FAM204A: variants seen among roughly 807,000 people sequenced by gnomAD.
The protein encoded by FAM204A is family with sequence similarity 204 member A.
Under a neutral mutation model 35.4 loss-of-function variants are expected in FAM204A, and 16 were observed. That is an observed-to-expected ratio of 0.45 (90% CI 0.31 to 0.69). The LOEUF (loss-of-function observed/expected upper bound fraction) is 0.69, where lower values mean the gene tolerates loss of function less well. Among genes scored for constraint, FAM204A ranks in the 30% least tolerant of loss-of-function variants. The pLI is 0.07. For synonymous variants in FAM204A, 76 were observed against 86.9 expected, an observed-to-expected ratio of 0.88 and a Z score of 0.70; for missense variants, 240 against 265.7, an observed-to-expected ratio of 0.90 and a Z score of 0.67.
chr10:118,328,842 A>G (rs938375411), intron 6 of FAM204A, among the ~76,000 whole-genome samples: 1 of 152,158 alleles, frequency 6.6e-6, no homozygotes, highest in Non-Finnish European at 1.5e-5. Flanking sequence ...TCCCTTAATC[A>G]CAGTGTTCCT....
intron 7 of FAM204A, among the ~76,000 whole-genome samples, chr10:118,313,152 G>GT (rs1054418011): frequency 6.6e-6 from 1 of 150,606 alleles, no homozygotes; most frequent in African/African-American, 2.4e-5. Context: ...TGTCATACAT[G>GT]TAAAAAAAAA....
At chr10:118,330,056 A>G (rs1207843081) in intron 6 of FAM204A, among the ~76,000 whole-genome samples, 1 of 152,228 alleles carries the variant, frequency 6.6e-6, no homozygotes, top group Non-Finnish European at 1.5e-5. Flanking sequence ...CCCAGAGCTT[A>G]AAATAGTACC....
At position 118,336,230 on chromosome 10, in the gene FAM204A, T is replaced by C; in HGVS notation, c.186A>G (p.Val62=). The change falls in exon 3 of 9, where the codon GTA becomes GTG. Residue 62 remains valine, a synonymous_variant. Transcript: ENST00000369183. ...DEPKTETESN[V]NAYEECPSGI... ...CAGAAGGACACTCTTCATAGGCATTTACATTTGACTCTGTTTCAGTTTTTG... is the reference window on the plus strand; with the variant it reads ...CAGAAGGACACTCTTCATAGGCATTCACATTTGACTCTGTTTCAGTTTTTG... 1.2e-6 allele frequency: 2 copies of C among 1,613,928 alleles called. No individual in the cohort carries two copies. Among genetic ancestry groups the C allele is most frequent in the African/African-American group, 1.3e-5 (1 of 75,038 alleles).
intron 6 of FAM204A, chr10:118,326,462 A>G (rs771892593): frequency 2.1e-5 from 10 of 485,460 alleles, no homozygotes; most frequent in Non-Finnish European, 2.9e-5. Context: ...TAATAAAAAT[A>G]AGACGCAAAT....
chr10:118,320,904 G>GTT (rs34541006), intron 7 of FAM204A, among the ~76,000 whole-genome samples: 3 of 133,886 alleles, frequency 2.2e-5, no homozygotes, highest in Admixed American at 7.5e-5. Context: ...TGTGTGTGTG[G>GTT]TTTTTTTTTT....
Position 118,299,862 on chromosome 10 carries a change from A to G in FAM204A, c.*10995T>C, listed in dbSNP as rs1845790389. On this transcript the variant is annotated 3_prime_UTR_variant, in exon 9 of 9. Coordinates refer to ENST00000369183, the MANE Select transcript of FAM204A (RefSeq NM_022063.3). ...CTGCATGAACCTATTTTTACTAACA[A>G]TTTTTCCATTAGCACGTCTTGAAAA... 6.6e-6 allele frequency: 1 copy of G among 152,172 alleles called. No individual in the cohort carries two copies. Among genetic ancestry groups the G allele is most frequent in the African/African-American group, 2.4e-5 (1 of 41,438 alleles). The allele number at this position is 152,172 out of a possible 1,614,324, so 9.4% of individuals were successfully genotyped here.
In FAM204A at chr10:118,300,588, CTT is replaced by C. The variant is rs1845798468; in HGVS notation, c.*10267_*10268del. ...ATAAAATCATCAAAAACCACATAAA[CTT>C]CAAAGCAGTATATATCATATTAAAT... On this transcript the variant is annotated 3_prime_UTR_variant, in exon 9 of 9. Transcript: ENST00000369183. 1 of 152,178 alleles carries C rather than the reference CTT, an allele frequency of 6.6e-6. No homozygotes were observed. The highest frequency in any genetic ancestry group is 2.4e-5 in the African/African-American group (1 of 41,432). The allele number at this position is 152,178 out of a possible 1,614,324, so 9.4% of individuals were successfully genotyped here.
chr10:118,307,724 T>C lies in FAM204A; in HGVS notation c.*3133A>G, dbSNP rs1437810696. On this transcript the variant is annotated 3_prime_UTR_variant, in exon 9 of 9. Coordinates refer to ENST00000369183, the MANE Select transcript of FAM204A (RefSeq NM_022063.3). ...GTGAATTAAATTCAAACTTGTCTTA[T>C]TAAAGTTATTAATAAGCTAAAAGAT... 6.6e-6 allele frequency: 1 copy of C among 152,228 alleles called. No homozygotes were observed. The highest frequency in any genetic ancestry group is 2.4e-5 in the African/African-American group (1 of 41,466). 9.4% of individuals were successfully genotyped at this position (152,228 alleles called of 1,614,324 possible).
At position 118,336,222 on chromosome 10, in the gene FAM204A, T is replaced by C. The variant is rs762505474; in HGVS notation, c.194A>G (p.Tyr65Cys). The stretch of plus-strand genomic sequence containing the variant: ...GGGAATTCCAGAAGGACACTCTTCA[T>C]AGGCATTTACATTTGACTCTGTTTC... ...KTETESNVNA[Y>C]EECPSGIPID... is the part of the protein sequence containing the mutation. Residue 65 changes from tyrosine to cysteine, a missense_variant, in exon 3 of 9, where the codon TAT becomes TGT. By Grantham distance (194) the Tyr-to-Cys change is radical (BLOSUM62 -2). This residue lies in a region of FAM204A where 232 missense variants were observed against 242.8 expected (regional missense o/e 0.96). Coordinates refer to ENST00000369183, the MANE Select transcript of FAM204A (RefSeq NM_022063.3). 5.0e-6 allele frequency: 8 copies of C among 1,613,912 alleles called. No homozygotes were observed. The highest frequency in any genetic ancestry group is 2.2e-5 in the East Asian group (1 of 44,872).
rs905465943 is a variant in FAM204A, at chr10:118,327,131, T to C, written c.454-888A>G. ...AGCAAATTTTATCCCAACAATGGCT[T>C]ATCTAGTCCTTTAACTTCCACATTC... On this transcript the variant is annotated intron_variant, in intron 6 of 8. Coordinates refer to ENST00000369183, the MANE Select transcript of FAM204A (RefSeq NM_022063.3). Among the ~76,000 whole-genome samples, 106 of 152,188 alleles carry C rather than the reference T, an allele frequency of 7.0e-4. 1 individual carries two copies. Among genetic ancestry groups the C allele is most frequent in the Non-Finnish European group, 1.6e-4 (11 of 68,032 alleles).
chr10:118,331,446 C>A (rs953245810), intron 6 of FAM204A, among the ~76,000 whole-genome samples: 1 of 152,072 alleles, frequency 6.6e-6, no homozygotes, highest in Non-Finnish European at 1.5e-5. Context: ...ATCTAACCCA[C>A]GAGGCAACAA....
chr10:118,312,509 G>T (rs1275344407), intron 7 of FAM204A, among the ~76,000 whole-genome samples: 1 of 152,132 alleles, frequency 6.6e-6, no homozygotes, highest in Non-Finnish European at 1.5e-5. Flanking sequence ...GTTTCCTTTA[G>T]GATGAAATCG....
intron 6 of FAM204A, among the ~76,000 whole-genome samples, chr10:118,332,721 T>G (rs2133288700): frequency 6.6e-6 from 1 of 152,218 alleles, no homozygotes; most frequent in South Asian, 2.1e-4. Flanking sequence ...CAGTTTCCTC[T>G]CATAAAAAAC....
At chr10:118,311,392 G>C in intron 7 of FAM204A, 79 bp from the exon 8 acceptor site, 1 of 1,137,966 alleles carries the variant, frequency 8.8e-7, no homozygotes, top group East Asian at 2.4e-5. Flanking sequence ...ACAAATAATT[G>C]AGAACTTGTG....
rs377749244 is a variant in FAM204A, at chr10:118,336,425, T to C, written c.-8-2A>G. 8.8e-6 allele frequency: 14 copies of C among 1,598,298 alleles called. No homozygotes were observed. The African/African-American group carries it at 1.2e-4, about 14-fold the overall frequency. On this transcript the variant is annotated splice_acceptor_variant, in intron 2 of 8. Transcript: ENST00000369183. LOFTEE classifies it low-confidence loss of function (5UTR_SPLICE). ...GCAGCCCACTCCACATCTTTTCTTCTATGAGGAAAAAGATTAATTTACACA... is the reference window on the plus strand; with the variant it reads ...GCAGCCCACTCCACATCTTTTCTTCCATGAGGAAAAAGATTAATTTACACA...
intron 6 of FAM204A, 142 bp from the exon 7 acceptor site, chr10:118,326,385 C>A (rs1346608859): frequency 1.3e-5 from 9 of 695,208 alleles, no homozygotes; most frequent in Non-Finnish European, 4.8e-6. Flanking sequence ...TAGCTGCTAC[C>A]ATTCCCATTA....
chr10:118,301,821 C>T lies in FAM204A; in HGVS notation c.*9036G>A, dbSNP rs1423783945. ...GGTACAGAGAGATTAAGTAGCCTGC[C>T]GGAGGTTACACAGCTTGTAAGTAGC... On this transcript the variant is annotated 3_prime_UTR_variant, in exon 9 of 9. Transcript: ENST00000369183. The T allele has an allele frequency of 3.9e-5, 6 of 152,126 alleles. No individual in the cohort carries two copies. The highest frequency in any genetic ancestry group is 5.9e-5 in the Non-Finnish European group (4 of 68,024). The allele number at this position is 152,126 out of a possible 1,614,324, so 9.4% of individuals were successfully genotyped here. A position where few individuals can be genotyped will look rare whatever the true frequency, so the allele number is the denominator to read the frequency against.
At chr10:118,321,865 G>A (rs535745157) in intron 7 of FAM204A, among the ~76,000 whole-genome samples, 10 of 152,150 alleles carry the variant, frequency 6.6e-5, no homozygotes, top group Non-Finnish European at 2.9e-5. Context: ...GAATAGTAGC[G>A]AGGTAGACAA....
In FAM204A at chr10:118,301,689, A is replaced by G. The variant is rs1026783143; in HGVS notation, c.*9168T>C. On this transcript the variant is annotated 3_prime_UTR_variant, in exon 9 of 9. Transcript: ENST00000369183. Reference sequence around the variant, plus strand: ...TCTCCCAACAAGTATATTGTTTGCTATATGTGAGAATCTATTCTCAGCACT... The same window carrying G: ...TCTCCCAACAAGTATATTGTTTGCTGTATGTGAGAATCTATTCTCAGCACT... 10 of 152,202 alleles carry G rather than the reference A, an allele frequency of 6.6e-5. No homozygotes were observed. Among genetic ancestry groups the G allele is most frequent in the Non-Finnish European group, 1.3e-4 (9 of 68,036 alleles). 9.4% of individuals were successfully genotyped at this position (152,202 alleles called of 1,614,324 possible). A position where few individuals can be genotyped will look rare whatever the true frequency, so the allele number is the denominator to read the frequency against.
Sources: allele counts gnomAD v4.1 joint callset (sites outside exome capture counted in the v4.1 genomes callset), GRCh38; gene constraint gnomAD v4.1.1; regional missense constraint gnomAD v4.1.1; transcripts MANE v1.5; gene names NCBI Gene and HGNC (gene_info 2026-07-23, HGNC 2026-07-21).